The following RIMS1 variants were observed in gnomAD, a reference collection of about 807,000 sequenced individuals.
RIMS1 encodes regulating synaptic membrane exocytosis 1.
A neutral mutation model predicts 214.1 loss-of-function variants in RIMS1; 83 were observed. That is an observed-to-expected ratio of 0.39 (90% confidence interval 0.32 to 0.47). The LOEUF is 0.47. Among genes scored for constraint, RIMS1 ranks in the 20% least tolerant of loss-of-function variants. The pLI, the probability that RIMS1 is intolerant of heterozygous loss-of-function variation, is 0.99. For synonymous variants in RIMS1, 793 were observed against 786.8 expected (o/e 1.01, Z -0.13); for missense variants, 2,050 against 2,161.8 (o/e 0.95, Z 1.03).
At chr6:72,121,384 A>T (rs2038267657) in intron 4 of RIMS1, among the ~76,000 whole-genome samples, 2 of 151,768 alleles carry the variant, frequency 1.3e-5, no homozygotes, top group Admixed American at 6.6e-5. Flanking sequence ...TGTAAGTTGG[A>T]TTCCTAGGTG....
At chr6:72,005,567 T>C (rs1340641345) in intron 2 of RIMS1, among the ~76,000 whole-genome samples, 2 of 152,198 alleles carry the variant, frequency 1.3e-5, no homozygotes, top group African/African-American at 4.8e-5. Flanking sequence ...TGTATTTGCT[T>C]TCCCTTAAAT....
intron 2 of RIMS1, among the ~76,000 whole-genome samples, chr6:72,069,556 G>A (rs1033637589): frequency 2.6e-5 from 4 of 152,182 alleles, no homozygotes; most frequent in Admixed American, 6.5e-5. Flanking sequence ...ATTTGTTTCT[G>A]TTTCTTTTGA....
chr6:72,086,899 C>T lies in RIMS1; in HGVS notation c.246-10050C>T, dbSNP rs918143138. Among the ~76,000 whole-genome samples, 4 of 152,134 alleles carry T rather than the reference C, an allele frequency of 2.6e-5. No homozygotes were observed. The South Asian group carries it at 6.2e-4, about 24-fold the overall frequency. On this transcript the variant is annotated intron_variant, in intron 2 of 33. Transcript: ENST00000521978. Reference sequence around the variant, plus strand: ...GATGCACTAGAATGATGGAAACCATCGGCAGGAAGCCTAGTTAGAAAGCTA... The same window carrying T: ...GATGCACTAGAATGATGGAAACCATTGGCAGGAAGCCTAGTTAGAAAGCTA...
chr6:72,317,907 C>T (rs1033785904), intron 28 of RIMS1, among the ~76,000 whole-genome samples: 1 of 152,076 alleles, frequency 6.6e-6, no homozygotes, highest in Non-Finnish European at 1.5e-5. Flanking sequence ...TATGAGATTA[C>T]TTAATTAGGT....
chr6:72,041,805 G>A (rs976314586), intron 2 of RIMS1, among the ~76,000 whole-genome samples: 27 of 151,942 alleles, frequency 1.8e-4, no homozygotes, highest in African/African-American at 5.3e-4. Flanking sequence ...GTATTTCATC[G>A]TTGAATCTTC....
intron 4 of RIMS1, among the ~76,000 whole-genome samples, chr6:72,129,629 C>T (rs1160793102): frequency 2.0e-5 from 3 of 151,960 alleles, no homozygotes; most frequent in Non-Finnish European, 4.4e-5. Flanking sequence ...CTAAGTAGAA[C>T]AGAAAGATCT....
intron 2 of RIMS1, among the ~76,000 whole-genome samples, chr6:71,985,195 G>A (rs1225954809): frequency 2.0e-5 from 3 of 152,052 alleles, no homozygotes; most frequent in Non-Finnish European, 2.9e-5. Flanking sequence ...ACTAGCCTGG[G>A]CAACATAGTG....
At chr6:72,369,120 C>T (rs1021569070) in intron 29 of RIMS1, among the ~76,000 whole-genome samples, 2 of 148,940 alleles carry the variant, frequency 1.3e-5, no homozygotes, top group African/African-American at 5.0e-5. Context: ...TAGGAGAGAA[C>T]CAGTAAAATT....
At chr6:72,126,761 T>TAAAAAAAAAAA (rs71540329) in intron 4 of RIMS1, 1 of 123,486 alleles carries the variant, frequency 8.1e-6, no homozygotes. Flanking sequence ...ATTAAAAAGT[T>TAAAAAAAAAAA]AAAAAAAAAA....
chr6:72,310,197 C>T (rs2095439493), intron 27 of RIMS1, among the ~76,000 whole-genome samples: 1 of 152,034 alleles, frequency 6.6e-6, no homozygotes, highest in Non-Finnish European at 1.5e-5. Context: ...ATACTTTTAA[C>T]CAACCACTAG....
intron 23 of RIMS1, among the ~76,000 whole-genome samples, chr6:72,277,734 T>TA (rs1460244920): frequency 2.0e-5 from 3 of 152,146 alleles, no homozygotes; most frequent in Non-Finnish European, 2.9e-5. Flanking sequence ...TGTTGACCCT[T>TA]AAAAAATCAT....
chr6:72,330,057 G>T (rs574303719), intron 28 of RIMS1, among the ~76,000 whole-genome samples: 2 of 151,882 alleles, frequency 1.3e-5, no homozygotes, highest in South Asian at 4.1e-4. Flanking sequence ...CCAAAGGGCT[G>T]GGCATTGAGG....
intron 16 of RIMS1, among the ~76,000 whole-genome samples, chr6:72,253,090 G>C (rs2074203977): frequency 6.6e-6 from 1 of 152,118 alleles, no homozygotes; most frequent in African/African-American, 2.4e-5. Flanking sequence ...ATTTCACAAT[G>C]CTCTGAGCGT....
chr6:72,352,258 T>C (rs1032270516), intron 29 of RIMS1, among the ~76,000 whole-genome samples: 8 of 152,234 alleles, frequency 5.3e-5, no homozygotes, highest in African/African-American at 1.9e-4. Context: ...ATAAGCCTAA[T>C]TGTAGATATT....
chr6:72,132,578 A>C (rs2040612583), intron 4 of RIMS1, among the ~76,000 whole-genome samples: 2 of 152,196 alleles, frequency 1.3e-5, no homozygotes, highest in South Asian at 2.1e-4. Context: ...TACTATCTCC[A>C]TGTGACACAT....
intron 19 of RIMS1, chr6:72,263,710 T>C: frequency 1.0e-6 from 1 of 985,300 alleles, no homozygotes; most frequent in Non-Finnish European, 1.2e-6. Flanking sequence ...CCTCAACTTG[T>C]ACTTAATAAG....
intron 4 of RIMS1, among the ~76,000 whole-genome samples, chr6:72,142,993 C>A (rs1011185475): frequency 6.6e-6 from 1 of 152,024 alleles, no homozygotes; most frequent in African/African-American, 2.4e-5. Context: ...GCTATTTTTG[C>A]AAATTCTTTG....
At chr6:72,390,924 A>C in intron 30 of RIMS1, 188 bp downstream of exon 30, 1 of 505,038 alleles carries the variant, frequency 2.0e-6, no homozygotes, top group Non-Finnish European at 3.4e-6. Flanking sequence ...CTGGTCATTC[A>C]TACCTTTCAA....
chr6:72,291,912 C>T (rs766626371), intron 25 of RIMS1, 22 bp from the exon 26 acceptor site: 1 of 1,516,168 alleles, frequency 6.6e-7, no homozygotes, highest in African/African-American at 1.4e-5. Context: ...TGTTTCATGC[C>T]CGCTTTGCTT....
Sources: gnomAD v4.1 joint callset for allele counts (sites outside exome capture counted in the v4.1 genomes callset) on GRCh38, gnomAD v4.1.1 for gene constraint, MANE v1.5 for transcripts, NCBI Gene and HGNC (gene_info 2026-07-23, HGNC 2026-07-21) for gene names.